ZFHX3: variants seen among roughly 807,000 people sequenced by gnomAD.
ZFHX3 encodes zinc finger homeobox 3.
In ZFHX3, 42 loss-of-function variants were observed where a neutral mutation model predicts 279.1. The ratio of observed to expected loss-of-function variants is 0.15; its 90% CI spans 0.12 to 0.19. The LOEUF is 0.19. Ranked by LOEUF, ZFHX3 falls within the 10% of genes least tolerant of loss-of-function variation. ZFHX3 has a pLI of 1.00. For synonymous variants in ZFHX3, 2,293 were observed against 1,957.8 expected (o/e 1.17, Z -4.52); for missense variants, 4,981 against 4,754.0 (o/e 1.05, Z -1.40).
intron 8 of ZFHX3, among the ~76,000 whole-genome samples, chr16:73,090,936 G>A (rs1351740238): frequency 8.1e-6 from 1 of 123,748 alleles, no homozygotes; most frequent in Non-Finnish European, 1.5e-5. Flanking sequence ...AAAAGGCAAG[G>A]CATGGTGGCT....
At chr16:72,882,977 G>GGGGTGTGTGT (rs1371954934) in intron 4 of ZFHX3, among the ~76,000 whole-genome samples, 1 of 65,390 alleles carries the variant, frequency 1.5e-5, no homozygotes, top group Admixed American at 1.8e-4. Flanking sequence ...ACCACTCTGG[G>GGGGTGTGTGT]GTGTGTGTGT....
intron 1 of ZFHX3, among the ~76,000 whole-genome samples, chr16:73,760,199 A>G (rs1187359388): frequency 6.6e-6 from 1 of 152,212 alleles, no homozygotes; most frequent in East Asian, 1.9e-4. Flanking sequence ...AGAAATGGAT[A>G]AATTCCTGGA....
At chr16:73,008,715 C>T (rs938474222) in intron 1 of ZFHX3, among the ~76,000 whole-genome samples, 1 of 152,172 alleles carries the variant, frequency 6.6e-6, no homozygotes, top group Non-Finnish European at 1.5e-5. Flanking sequence ...ATCCCAGATA[C>T]ACCATCTAAG....
At chr16:73,149,222 T>G in intron 5 of ZFHX3, among the ~76,000 whole-genome samples, 1 of 146,356 alleles carries the variant, frequency 6.8e-6, no homozygotes, top group East Asian at 2.0e-4. Context: ...ATTAATTATA[T>G]TCATATTGTC....
intron 3 of ZFHX3, among the ~76,000 whole-genome samples, chr16:73,445,196 A>G (rs2018161636): frequency 6.6e-6 from 1 of 152,082 alleles, no homozygotes; most frequent in South Asian, 2.1e-4. Context: ...AGTTCTGTAT[A>G]TGTATATACA....
intron 5 of ZFHX3, among the ~76,000 whole-genome samples, chr16:73,148,653 T>C (rs1407456117): frequency 2.3e-5 from 3 of 130,668 alleles, no homozygotes; most frequent in Non-Finnish European, 4.7e-5. Context: ...ATTTTAAAAA[T>C]AAAGAAAGTT....
chr16:72,892,400 GA>G (rs371051776), intron 3 of ZFHX3, among the ~76,000 whole-genome samples: 1 of 152,282 alleles, frequency 6.6e-6, no homozygotes, highest in African/African-American at 2.4e-5. Flanking sequence ...GAAAGTATTG[GA>G]AGAACCAGTG....
At chr16:73,489,320 C>T (rs1008955255) in intron 2 of ZFHX3, among the ~76,000 whole-genome samples, 4 of 152,150 alleles carry the variant, frequency 2.6e-5, no homozygotes, top group Non-Finnish European at 1.5e-5. Context: ...AGCAAGTTCT[C>T]ATTAAGATAT....
At chr16:73,638,782 C>A (rs1438811852) in intron 2 of ZFHX3, among the ~76,000 whole-genome samples, 4 of 152,152 alleles carry the variant, frequency 2.6e-5, no homozygotes, top group East Asian at 1.9e-4. Flanking sequence ...AGGTATTCAA[C>A]AAATGTTTGT....
chr16:73,128,237 C>G (rs1042901474), intron 7 of ZFHX3, among the ~76,000 whole-genome samples: 1 of 152,124 alleles, frequency 6.6e-6, no homozygotes, highest in Non-Finnish European at 1.5e-5. Flanking sequence ...GTGATTTGGT[C>G]TATTTCTTAA....
intron 3 of ZFHX3, among the ~76,000 whole-genome samples, chr16:73,398,958 G>A (rs2017188570): frequency 2.6e-5 from 4 of 151,942 alleles, no homozygotes; most frequent in Admixed American, 2.6e-4. Context: ...TCTGCCTCCT[G>A]GGTTCAAGCA....
At chr16:73,385,305 A>T (rs2016879826) in intron 3 of ZFHX3, among the ~76,000 whole-genome samples, 1 of 152,084 alleles carries the variant, frequency 6.6e-6, no homozygotes, top group South Asian at 2.1e-4. Context: ...AATTACTAAA[A>T]CTTTCCGTCT....
At chr16:73,184,771 GA>G (rs1028826967) in intron 5 of ZFHX3, among the ~76,000 whole-genome samples, 1 of 151,928 alleles carries the variant, frequency 6.6e-6, no homozygotes, top group Non-Finnish European at 1.5e-5. Flanking sequence ...CTATTTGGGA[GA>G]AAAAAAATGT....
chr16:73,263,566 C>T (rs1423061901), intron 4 of ZFHX3, among the ~76,000 whole-genome samples: 1 of 152,100 alleles, frequency 6.6e-6, no homozygotes, highest in Non-Finnish European at 1.5e-5. Flanking sequence ...GGTCCATGTC[C>T]CTCTCCTCCC....
At chr16:73,676,136 T>C (rs1480539620) in intron 2 of ZFHX3, among the ~76,000 whole-genome samples, 1 of 151,960 alleles carries the variant, frequency 6.6e-6, no homozygotes, top group Non-Finnish European at 1.5e-5. Flanking sequence ...TGAAACCAAT[T>C]AAACATAACA....
At chr16:73,419,454 C>T (rs992734) in intron 3 of ZFHX3, among the ~76,000 whole-genome samples, 133,880 of 152,118 alleles carry the variant, frequency 0.88, 59,154 homozygotes, top group African/African-American at 0.96. Context: ...GTTTCTCTCA[C>T]TGCCACTAGA....
Position 73,163,106 on chromosome 16 carries a change from C to T in ZFHX3, c.-1103-19275G>A, listed in dbSNP as rs62052413. Among the ~76,000 whole-genome samples the T allele has an allele frequency of 8.0e-3, 1,214 of 152,234 alleles. 7 individuals carry two copies. The highest frequency in any genetic ancestry group is 0.027 in the Middle Eastern group (8 of 294). On this transcript the variant is annotated intron_variant, in intron 5 of 17. Coordinates refer to the ZFHX3 transcript ENST00000641206. Reference sequence around the variant, plus strand: ...CATAGATGGCCATCTTTCATTCAGTCGGGACAACACATGTATTTTTTCTAG... The same window carrying T: ...CATAGATGGCCATCTTTCATTCAGTTGGGACAACACATGTATTTTTTCTAG...
intron 5 of ZFHX3, among the ~76,000 whole-genome samples, chr16:73,144,603 G>A (rs750957257): frequency 1.1e-4 from 16 of 152,084 alleles, no homozygotes; most frequent in Admixed American, 4.6e-4. Context: ...GAAAGGAGAC[G>A]GGAAGGAACA....
At chr16:73,655,539 G>T (rs955153752) in intron 2 of ZFHX3, among the ~76,000 whole-genome samples, 5 of 152,074 alleles carry the variant, frequency 3.3e-5, no homozygotes, top group African/African-American at 1.2e-4. Flanking sequence ...CGTCAAAAGG[G>T]TTGAGTAAAA....
Sources: allele counts gnomAD v4.1 joint callset (sites outside exome capture counted in the v4.1 genomes callset), GRCh38; gene constraint gnomAD v4.1.1; transcripts MANE v1.5; gene names NCBI Gene and HGNC (gene_info 2026-07-23, HGNC 2026-07-21).